Variants in KIF20B observed in about 807,000 individuals in gnomAD.
KIF20B encodes kinesin-like protein KIF20B.
Under a neutral mutation model 232.5 loss-of-function variants are expected in KIF20B, and 188 were observed. That is an observed-to-expected ratio of 0.81 (90% CI 0.72 to 0.91). The LOEUF is 0.91. KIF20B is among the 40% of genes least tolerant of loss of function. The pLI is 0.00. For synonymous variants in KIF20B, 712 were observed against 683.0 expected (o/e 1.04, Z -0.66); for missense variants, 2,154 against 2,055.9 (o/e 1.05, Z -0.92).
chr10:89,746,778 A>G (rs903824938), intron 23 of KIF20B, among the ~76,000 whole-genome samples: 3 of 152,246 alleles, frequency 2.0e-5, no homozygotes, highest in Non-Finnish European at 4.4e-5. Flanking sequence ...GGTAGTTGCA[A>G]TAACAACTGG....
intron 21 of KIF20B, among the ~76,000 whole-genome samples, chr10:89,742,465 C>T (rs893109428): frequency 2.6e-5 from 4 of 152,022 alleles, no homozygotes; most frequent in Non-Finnish European, 4.4e-5. Flanking sequence ...GAATGGAAAC[C>T]GAGGCAGTCC....
At chr10:89,721,853 A>AT (rs1208797070) in intron 13 of KIF20B, among the ~76,000 whole-genome samples, 2 of 152,194 alleles carry the variant, frequency 1.3e-5, no homozygotes, top group African/African-American at 2.4e-5. Flanking sequence ...TTTTAAGGAA[A>AT]TTCATCAAAA....
rs368331856 is a variant in KIF20B at position 89,705,424 on chromosome 10, G to T, written c.130G>T (p.Val44Phe). 92 of 1,613,756 alleles carry T rather than the reference G, an allele frequency of 5.7e-5. No individual in the cohort carries two copies. The highest frequency in any genetic ancestry group is 8.8e-5 in the South Asian group (8 of 91,056). The change falls in exon 2 of 33, where the codon GTT becomes TTT. Residue 44 changes from valine (V) to phenylalanine (F), a missense_variant. Val to Phe is a conservative substitution (Grantham distance 50, BLOSUM62 -1). Transcript: ENST00000371728. Reference protein sequence around the residue: ...KLDLSHEFSLVAPNTEANSFE... With the variant: ...KLDLSHEFSLFAPNTEANSFE... ...TGATCTGTCTCATGAATTTTCCTTA[G>T]TTGCTCCAAATACTGAGGTAAGTAC...
In KIF20B at chr10:89,737,802, G is replaced by A. The variant is rs746154873; in HGVS notation, c.2961G>A (p.Thr987=). The A allele has an allele frequency of 5.4e-5, 87 of 1,612,910 alleles. No individual in the cohort carries two copies. The highest frequency in any genetic ancestry group is 7.0e-5 in the Non-Finnish European group (82 of 1,179,442). Residue 987 remains threonine (T), a synonymous_variant, in exon 20 of 33, where the codon ACG becomes ACA. Coordinates refer to ENST00000371728, the MANE Select transcript of KIF20B (RefSeq NM_001284259.2). ...TTTCACAAATAAAATTAATGCACACGAAAATAGACGAACTACGTACTCTTG... is the reference window on the plus strand; with the variant it reads ...TTTCACAAATAAAATTAATGCACACAAAAATAGACGAACTACGTACTCTTG... ...NNVSQIKLMH[T]KIDELRTLDS...
Position 89,737,980 on chromosome 10 carries a change from C to T in KIF20B, c.3139C>T (p.Pro1047Ser). The T allele has an allele frequency of 1.2e-6, 2 of 1,612,970 alleles. No individual in the cohort carries two copies. Among genetic ancestry groups the T allele is most frequent in the Non-Finnish European group, 8.5e-7 (1 of 1,179,372 alleles). ...AGTTAAAGAATATCGAATTCAAGAA[C>T]CCAATAGGGAAAATTCTTTCCACTC... ...KQVKEYRIQEPNRENSFHSSI... is the reference protein window; with the variant it reads ...KQVKEYRIQESNRENSFHSSI... Residue 1047 changes from proline to serine, a missense_variant, in exon 20 of 33, where the codon CCC becomes TCC. Physicochemically the swap from Pro to Ser is moderately conservative, Grantham distance 74. Transcript: ENST00000371728.
At position 89,738,343 on chromosome 10, in the gene KIF20B, A is replaced by G. The variant is rs1841713662; in HGVS notation, c.3502A>G (p.Thr1168Ala). Residue 1168 changes from threonine (T) to alanine (A), a missense_variant, in exon 20 of 33, where the codon ACA (threonine) becomes GCA (alanine). Transcript: ENST00000371728. The stretch of plus-strand genomic sequence containing the variant: ...TAAGGCAAAAATAAAGGAACTTGAA[A>G]CAATTTTAGAGACTCAGAAAGTTGA... The part of the protein sequence containing the change: ...CYKAKIKELE[T>A]ILETQKVECS... 3 of 1,610,770 alleles carry G rather than the reference A, an allele frequency of 1.9e-6. No individual in the cohort carries two copies. The highest frequency in any genetic ancestry group is 2.5e-6 in the Non-Finnish European group (3 of 1,178,964).
In KIF20B at chr10:89,717,683, G is replaced by A. The variant is rs879239534; in HGVS notation, c.1232G>A (p.Gly411Glu). 4 of 1,608,826 alleles carry A rather than the reference G, an allele frequency of 2.5e-6. No individual in the cohort carries two copies. The South Asian group carries it at 3.3e-5, about 13-fold the overall frequency. Residue 411 changes from glycine to glutamate, a missense_variant, in exon 11 of 33, where the codon GGA (glycine) becomes GAA (glutamate). Gly to Glu is a moderately conservative substitution (Grantham distance 98). Transcript: ENST00000371728. ...ATCAACACTTCTTTATTGACTCTGG[G>A]AAAGTGTATTAACGTCTTGAAGAAT... ...GNINTSLLTL[G>E]KCINVLKNSE...
chr10:89,765,625 A>G (rs1481149018), intron 29 of KIF20B, among the ~76,000 whole-genome samples: 1 of 152,144 alleles, frequency 6.6e-6, no homozygotes, highest in Non-Finnish European at 1.5e-5. Context: ...ACGCTACCTG[A>G]CTTAACTATA....
chr10:89,752,858 A>T (rs567271204), intron 25 of KIF20B, among the ~76,000 whole-genome samples, 167 bp downstream of exon 25: 1 of 152,208 alleles, frequency 6.6e-6, no homozygotes, highest in Non-Finnish European at 1.5e-5. Flanking sequence ...CATTGAAATG[A>T]CATGGGGAAG....
At chr10:89,762,434 G>C (rs919796993) in intron 28 of KIF20B, among the ~76,000 whole-genome samples, 1 of 152,160 alleles carries the variant, frequency 6.6e-6, no homozygotes, top group Non-Finnish European at 1.5e-5. Flanking sequence ...GGGAAATAGC[G>C]ATGTTACCCC....
intron 1 of KIF20B, 66 bp from the exon 2 acceptor site, chr10:89,705,228 G>C (rs888588011): frequency 2.8e-6 from 4 of 1,421,130 alleles, no homozygotes; most frequent in African/African-American, 2.8e-5. Context: ...CTAGACTTTT[G>C]AAAGTGTGGG....
chr10:89,773,985 G>C lies in KIF20B; in HGVS notation c.5400G>C (p.Gln1800His), dbSNP rs1271315936. 6.4e-7 allele frequency: 1 copy of C among 1,563,840 alleles called. No homozygotes were observed. The highest frequency in any genetic ancestry group is 1.4e-5 in the African/African-American group (1 of 73,386). ...TTTAATTTCAGATTTTAATGGACCA[G>C]AAAATGAAGGAGAGTGATCACCAGA... ...DISGQVILMD[Q>H]KMKESDHQII... The change falls in exon 33 of 33, where the codon CAG becomes CAC. Residue 1800 changes from glutamine (Q) to histidine (H), a missense_variant. Coordinates refer to ENST00000371728, the MANE Select transcript of KIF20B (RefSeq NM_001284259.2).
chr10:89,718,127 A>G (rs1842972272), intron 11 of KIF20B, among the ~76,000 whole-genome samples: 1 of 152,198 alleles, frequency 6.6e-6, no homozygotes, highest in Non-Finnish European at 1.5e-5. Flanking sequence ...AGGGTGTTTC[A>G]TGACATCTCT....
At chr10:89,727,260 C>T (rs4934496) in intron 16 of KIF20B, among the ~76,000 whole-genome samples, 71,140 of 146,980 alleles carry the variant, frequency 0.48, 17,184 homozygotes, top group East Asian at 0.62. Context: ...TTCCCCCCCC[C>T]TTTTTTTTTT....
intron 31 of KIF20B, 48 bp downstream of exon 31, chr10:89,768,936 A>G (rs369040369): frequency 4.2e-6 from 6 of 1,431,182 alleles, no homozygotes; most frequent in South Asian, 1.3e-5. Flanking sequence ...GATGTTGGGT[A>G]TATTTTAATA....
intron 24 of KIF20B, among the ~76,000 whole-genome samples, chr10:89,752,330 T>C (rs933273039): frequency 6.6e-6 from 1 of 152,098 alleles, no homozygotes; most frequent in Non-Finnish European, 1.5e-5. Context: ...ATGAATTTAT[T>C]ATACTATACT....
chr10:89,724,044 T>A lies in KIF20B; in HGVS notation c.1803T>A (p.Ile601=), dbSNP rs752030440. The A allele has an allele frequency of 6.3e-7, 1 of 1,582,046 alleles. No individual in the cohort carries two copies. The highest frequency in any genetic ancestry group is 1.4e-5 in the African/African-American group (1 of 72,684). Residue 601 remains isoleucine, a synonymous_variant, in exon 14 of 33, where the codon ATT becomes ATA. Coordinates refer to ENST00000371728, the MANE Select transcript of KIF20B (RefSeq NM_001284259.2). ...KKEKLTLEFK[I]REEVTQEFTQ... Reference sequence around the variant, plus strand: ...AAAAATTAACCTTGGAATTTAAAATTCGAGAAGAAGTTACACAGGAGTTTA... The same window carrying A: ...AAAAATTAACCTTGGAATTTAAAATACGAGAAGAAGTTACACAGGAGTTTA...
intron 30 of KIF20B, 130 bp downstream of exon 30, chr10:89,768,521 G>C: frequency 2.8e-6 from 2 of 722,484 alleles, no homozygotes; most frequent in South Asian, 3.9e-5. Context: ...CATTTGGCCA[G>C]TAGCATCTAC....
In KIF20B at chr10:89,774,099, C is replaced by T. The variant is rs572390209; in HGVS notation, c.*51C>T. The T allele has an allele frequency of 1.1e-5, 12 of 1,113,434 alleles. No individual in the cohort carries two copies. Among genetic ancestry groups the T allele is most frequent in the South Asian group, 1.6e-5 (1 of 61,502 alleles). 69.0% of individuals were successfully genotyped at this position (1,113,434 alleles called of 1,614,324 possible). A position where few individuals can be genotyped will look rare whatever the true frequency, so the allele number is the denominator to read the frequency against. On this transcript the variant is annotated 3_prime_UTR_variant, in exon 33 of 33. Coordinates refer to ENST00000371728, the MANE Select transcript of KIF20B (RefSeq NM_001284259.2). Reference sequence around the variant, plus strand: ...AATTTTATAGTCATAGTCATTGGAACTTGCATCCTGTATTGTAAATATAAA... The same window carrying T: ...AATTTTATAGTCATAGTCATTGGAATTTGCATCCTGTATTGTAAATATAAA...
Sources: allele counts gnomAD v4.1 joint callset (sites outside exome capture counted in the v4.1 genomes callset), GRCh38; gene constraint gnomAD v4.1.1; transcripts MANE v1.5; gene names NCBI Gene and HGNC (gene_info 2026-07-23, HGNC 2026-07-21).